The following ADARB2 variants were observed in gnomAD, a reference collection of about 807,000 sequenced individuals.
ADARB2 encodes the protein adenosine deaminase RNA specific B2 (inactive).
In ADARB2, 25 loss-of-function variants were observed where a neutral mutation model predicts 62.2. The ratio of observed to expected loss-of-function variants is 0.40; its 90% CI spans 0.29 to 0.56. The LOEUF is 0.56. ADARB2 is among the 20% of genes least tolerant of loss of function. The pLI, the probability that ADARB2 is intolerant of heterozygous loss-of-function variation, is 0.43. For synonymous variants in ADARB2, 572 were observed against 500.8 expected, an observed-to-expected ratio of 1.14 and a Z score of -1.90; for missense variants, 1,071 against 1,077.4, an observed-to-expected ratio of 0.99 and a Z score of 0.08.
chr10:1,331,276 T>G (rs999902673), intron 3 of ADARB2, among the ~76,000 whole-genome samples: 2 of 152,232 alleles, frequency 1.3e-5, no homozygotes, highest in African/African-American at 4.8e-5. Flanking sequence ...AATAAAAACA[T>G]ATATCTACAT....
intron 1 of ADARB2, among the ~76,000 whole-genome samples, chr10:1,515,478 G>A (rs141468427): frequency 6.6e-6 from 1 of 152,374 alleles, no homozygotes; most frequent in Non-Finnish European, 1.5e-5. Context: ...TCACACTGCA[G>A]AAGAGTAAGG....
intron 1 of ADARB2, among the ~76,000 whole-genome samples, chr10:1,393,204 G>A (rs953182914): frequency 7.2e-5 from 11 of 152,164 alleles, no homozygotes; most frequent in Non-Finnish European, 1.5e-4. Context: ...TGGTTAAAAT[G>A]TTTCTAGTAT....
chr10:1,411,962 G>T (rs1832763534), intron 1 of ADARB2, among the ~76,000 whole-genome samples: 1 of 152,236 alleles, frequency 6.6e-6, no homozygotes, highest in South Asian at 2.1e-4. Context: ...TACTCAGAGT[G>T]GACTTAGAAA....
chr10:1,266,679 A>G (rs1831207701), intron 4 of ADARB2, among the ~76,000 whole-genome samples: 1 of 152,080 alleles, frequency 6.6e-6, no homozygotes, highest in Non-Finnish European at 1.5e-5. Context: ...CTCGTTCACA[A>G]GTGTGTGTAT....
At chr10:1,462,592 T>A (rs777784155) in intron 1 of ADARB2, among the ~76,000 whole-genome samples, 21 of 151,810 alleles carry the variant, frequency 1.4e-4, no homozygotes, top group Non-Finnish European at 2.6e-4. Context: ...TGTACATGAG[T>A]GTATGTGCAT....
At position 1,328,512 on chromosome 10, in the gene ADARB2, T is replaced by C. The variant is rs551564867; in HGVS notation, c.1077+34516A>G. On this transcript the variant is annotated intron_variant, in intron 3 of 9. Coordinates refer to ENST00000381312, the MANE Select transcript of ADARB2 (RefSeq NM_018702.4). ...CATTCAAACCCGCGTCCTGTTTTTTTTTCTTGAACAGTGCAAACATTATTA... is the reference window on the plus strand; with the variant it reads ...CATTCAAACCCGCGTCCTGTTTTTTCTTCTTGAACAGTGCAAACATTATTA... Among the ~76,000 whole-genome samples the C allele has an allele frequency of 3.9e-5, 6 of 152,324 alleles. No individual in the cohort carries two copies. In the East Asian group the frequency reaches 1.2e-3, roughly 29 times the overall value.
chr10:1,397,964 C>A (rs2805515), intron 1 of ADARB2, among the ~76,000 whole-genome samples: 20 of 49,336 alleles, frequency 4.1e-4, no homozygotes, highest in South Asian at 1.9e-3. Context: ...GGTCACCGTC[C>A]GTCTCTCCCC....
intron 4 of ADARB2, among the ~76,000 whole-genome samples, chr10:1,266,364 G>A (rs1001650907): frequency 2.0e-5 from 3 of 152,244 alleles, no homozygotes; most frequent in African/African-American, 7.2e-5. Flanking sequence ...AGTTGGCCAA[G>A]CATCCTGCTC....
At chr10:1,417,952 T>C (rs914419574) in intron 1 of ADARB2, among the ~76,000 whole-genome samples, 1 of 152,230 alleles carries the variant, frequency 6.6e-6, no homozygotes, top group African/African-American at 2.4e-5. Context: ...GCATATTTGT[T>C]TACAGATCAC....
rs1197072031 is a variant in ADARB2, at chr10:1,594,046, C to CT, written c.100+143004dup. Among the ~76,000 whole-genome samples the CT allele has an allele frequency of 5.9e-5, 9 of 152,124 alleles. No individual in the cohort carries two copies. In the South Asian group the frequency reaches 1.0e-3, roughly 18 times the overall value. ...GTGGCTCATGCTTGTAATCCCAGCACTTTGGGAGGCCGAGGCTGGTAGATC... is the reference window on the plus strand; with the variant it reads ...GTGGCTCATGCTTGTAATCCCAGCACTTTTGGGAGGCCGAGGCTGGTAGATC... On this transcript the variant is annotated intron_variant, in intron 1 of 9. Coordinates refer to ENST00000381312, the MANE Select transcript of ADARB2 (RefSeq NM_018702.4).
intron 1 of ADARB2, among the ~76,000 whole-genome samples, chr10:1,435,286 C>T (rs535798585): frequency 6.6e-6 from 1 of 152,230 alleles, no homozygotes; most frequent in African/African-American, 2.4e-5. Context: ...GCTTCCAAGC[C>T]GATGCTTTTG....
At chr10:1,424,382 C>A (rs2131886599) in intron 1 of ADARB2, among the ~76,000 whole-genome samples, 1 of 152,310 alleles carries the variant, frequency 6.6e-6, no homozygotes, top group South Asian at 2.1e-4. Context: ...CCTGTGAGAA[C>A]CATGTCAGAG....
chr10:1,570,724 G>A (rs904404244), intron 1 of ADARB2, among the ~76,000 whole-genome samples: 1 of 152,176 alleles, frequency 6.6e-6, no homozygotes, highest in African/African-American at 2.4e-5. Context: ...CTAGTGCTTC[G>A]GAAAGGCATG....
chr10:1,633,786 C>A (rs751163573), intron 1 of ADARB2, among the ~76,000 whole-genome samples: 4 of 152,170 alleles, frequency 2.6e-5, no homozygotes, highest in Non-Finnish European at 5.9e-5. Flanking sequence ...GACAGGCTGT[C>A]CTGGGCTCTC....
intron 1 of ADARB2, among the ~76,000 whole-genome samples, chr10:1,449,145 G>A (rs1831007643): frequency 6.6e-6 from 1 of 152,090 alleles, no homozygotes; most frequent in African/African-American, 2.4e-5. Context: ...CCCCTCACCC[G>A]AGTGACCCCC....
intron 1 of ADARB2, among the ~76,000 whole-genome samples, chr10:1,471,544 C>T (rs1483291985): frequency 6.6e-6 from 1 of 152,166 alleles, no homozygotes; most frequent in African/African-American, 2.4e-5. Context: ...GCATACGCCA[C>T]CATGCCTGGC....
At chr10:1,463,638 T>C (rs1374919737) in intron 1 of ADARB2, among the ~76,000 whole-genome samples, 2 of 152,230 alleles carry the variant, frequency 1.3e-5, no homozygotes, top group East Asian at 3.8e-4. Flanking sequence ...TCTCAACTTG[T>C]GCTACTGAAA....
intron 1 of ADARB2, among the ~76,000 whole-genome samples, chr10:1,677,705 A>G (rs941492199): frequency 4.6e-5 from 7 of 152,160 alleles, no homozygotes; most frequent in African/African-American, 1.7e-4. Flanking sequence ...TATTTGCATA[A>G]CTCAGCTTTG....
intron 3 of ADARB2, among the ~76,000 whole-genome samples, chr10:1,326,664 C>T (rs561878015): frequency 1.4e-3 from 215 of 151,226 alleles, no homozygotes; most frequent in African/African-American, 5.1e-3. Context: ...GAATGTTAAA[C>T]CCATAGGGCT....
Sources: gnomAD v4.1 joint callset for allele counts (sites outside exome capture counted in the v4.1 genomes callset) on GRCh38, gnomAD v4.1.1 for gene constraint, MANE v1.5 for transcripts, NCBI Gene and HGNC (gene_info 2026-07-23, HGNC 2026-07-21) for gene names.